The following PCDH10 variants were observed in gnomAD, a reference collection of about 807,000 sequenced individuals.
The protein encoded by PCDH10 is protocadherin-10.
A neutral mutation model predicts 74.4 loss-of-function variants in PCDH10; 15 were observed. The observed-to-expected ratio is 0.20, with a 90% CI of 0.13 to 0.31. The LOEUF (loss-of-function observed/expected upper bound fraction) is 0.31, where lower values mean the gene tolerates loss of function less well. Ranked by LOEUF, PCDH10 falls within the 10% of genes least tolerant of loss-of-function variation. The pLI is 1.00. For missense variants in PCDH10, 1,260 were observed against 1,390.2 expected (o/e 0.91, Z 1.49); for synonymous variants, 619 against 589.8 (o/e 1.05, Z -0.72).
At chr4:133,201,651 G>A (rs1237765187) in intron 2 of PCDH10, among the ~76,000 whole-genome samples, 1 of 152,060 alleles carries the variant, frequency 6.6e-6, no homozygotes, top group African/African-American at 2.4e-5. Flanking sequence ...GAGGTCGGAA[G>A]TTTGAGACCC....
At chr4:133,184,787 TA>T (rs1560714369) in intron 4 of PCDH10, among the ~76,000 whole-genome samples, 9 of 98,258 alleles carry the variant, frequency 9.2e-5, no homozygotes, top group Admixed American at 3.1e-4. Context: ...TATATATAAA[TA>T]TATATATTTA....
intron 4 of PCDH10, among the ~76,000 whole-genome samples, chr4:133,172,410 G>GT (rs546231883): frequency 9.5e-4 from 145 of 151,866 alleles, no homozygotes; most frequent in Admixed American, 5.5e-3. Context: ...ACAGGTAGCA[G>GT]TTTTTTTATT....
downstream of PCDH10, among the ~76,000 whole-genome samples, chr4:133,198,669 T>A (rs766659028): frequency 1.3e-5 from 2 of 152,164 alleles, no homozygotes; most frequent in African/African-American, 2.4e-5. Flanking sequence ...AGGGGAAAAT[T>A]GGTGACACCA....
chr4:133,154,844 T>C (rs1159003038), intron 2 of PCDH10, 73 bp from the exon 3 acceptor site: 1 of 1,026,796 alleles, frequency 9.7e-7, no homozygotes, highest in Non-Finnish European at 1.5e-6. Flanking sequence ...TCTGTGACCA[T>C]GTGGTGGCAG....
chr4:133,163,236 T>C lies in PCDH10; in HGVS notation c.3057T>C (p.Asp1019=), dbSNP rs750827718. The C allele has an allele frequency of 2.5e-6, 4 of 1,613,966 alleles. No homozygotes were observed. In the South Asian group the frequency reaches 4.4e-5, roughly 18 times the overall value. ...LHSTLERKEL[D]GLLTNTRAPY... ...GCACTCTGGAGAGGAAGGAGCTGGA[T>C]GGACTGCTGACTAATACGCGAGCGC... The change falls in exon 4 of 5, where the codon GAT becomes GAC. Residue 1019 remains aspartate, a synonymous_variant. Coordinates refer to ENST00000264360, the MANE Select transcript of PCDH10 (RefSeq NM_032961.3).
At chr4:133,176,021 A>G (rs1727288146) in intron 4 of PCDH10, among the ~76,000 whole-genome samples, 1 of 152,142 alleles carries the variant, frequency 6.6e-6, no homozygotes, top group Non-Finnish European at 1.5e-5. Context: ...CATGCTTGAA[A>G]CATACCCTAT....
rs975884488 is a variant in PCDH10, at chr4:133,192,497, C to T, written c.*2337C>T. On this transcript the variant is annotated 3_prime_UTR_variant, in exon 5 of 5. Transcript: ENST00000264360. Reference sequence around the variant, plus strand: ...ATTATATTGTCATTTACCTCAAAGACATTTTCTTTAATTATTTAACCTTTT... The same window carrying T: ...ATTATATTGTCATTTACCTCAAAGATATTTTCTTTAATTATTTAACCTTTT... 1.3e-5 allele frequency: 2 copies of T among 151,550 alleles called. No individual in the cohort carries two copies. The highest frequency in any genetic ancestry group is 3.0e-5 in the Non-Finnish European group (2 of 67,610). The allele number at this position is 151,550 out of a possible 1,614,324, so 9.4% of individuals were successfully genotyped here.
intron 4 of PCDH10, among the ~76,000 whole-genome samples, chr4:133,174,158 T>G (rs1727248585): frequency 6.6e-6 from 1 of 151,878 alleles, no homozygotes; most frequent in African/African-American, 2.4e-5. Flanking sequence ...AGCTGACAAT[T>G]AAATAAAAAT....
chr4:133,166,407 AT>A (rs1434550749), intron 4 of PCDH10, among the ~76,000 whole-genome samples: 1 of 151,560 alleles, frequency 6.6e-6, no homozygotes, highest in Non-Finnish European at 1.5e-5. Flanking sequence ...TTAAAATAAC[AT>A]TGCATTTTTA....
At chr4:133,171,300 C>T (rs929688643) in intron 4 of PCDH10, among the ~76,000 whole-genome samples, 2 of 152,034 alleles carry the variant, frequency 1.3e-5, no homozygotes, top group African/African-American at 4.8e-5. Context: ...TATATTTGGG[C>T]TGAAAATTAC....
At chr4:133,205,495 C>T (rs892254755) in intron 2 of PCDH10, among the ~76,000 whole-genome samples, 9 of 152,140 alleles carry the variant, frequency 5.9e-5, no homozygotes, top group African/African-American at 1.4e-4. Context: ...TGGAACTTGA[C>T]GGTCCATTTT....
intron 2 of PCDH10, among the ~76,000 whole-genome samples, chr4:133,203,214 T>C (rs1321932394): frequency 6.6e-6 from 1 of 152,078 alleles, no homozygotes; most frequent in Non-Finnish European, 1.5e-5. Flanking sequence ...GGTATAGAGA[T>C]AGTATAGACA....
rs755002799 is a variant in PCDH10 at position 133,191,960 on chromosome 4, TATATACACACAC to T, written c.*1802_*1813del. The T allele has an allele frequency of 4.9e-5, 3 of 61,412 alleles. No individual in the cohort carries two copies. Among genetic ancestry groups the T allele is most frequent in the East Asian group, 7.1e-4 (1 of 1,404 alleles). 3.8% of individuals were successfully genotyped at this position (61,412 alleles called of 1,614,324 possible). A position where few individuals can be genotyped will look rare whatever the true frequency, so the allele number is the denominator to read the frequency against. On this transcript the variant is annotated 3_prime_UTR_variant, in exon 5 of 5. Coordinates refer to ENST00000264360, the MANE Select transcript of PCDH10 (RefSeq NM_032961.3). The stretch of plus-strand genomic sequence containing the variant: ...CCTAGATTTAACTTTAAAATACATA[TATATACACACAC>T]ACACACACACACACACACACACACT...
Position 133,152,537 on chromosome 4 carries a change from G to A in PCDH10, c.2397G>A (p.Pro799=), listed in dbSNP as rs561555933. ...AGAGCTCCAATGTACCCAGTAACCCGGCCCAGGTGCCGATAGAGGAGTCCG... is the reference window on the plus strand; with the variant it reads ...AGAGCTCCAATGTACCCAGTAACCCAGCCCAGGTGCCGATAGAGGAGTCCG... The part of the protein sequence containing the change: ...LVQSSNVPSN[P]AQVPIEESGG... Residue 799 remains proline (P), a synonymous_variant, in exon 1 of 5, where the codon CCG becomes CCA. Transcript: ENST00000264360. 7 of 1,614,104 alleles carry A rather than the reference G, an allele frequency of 4.3e-6. No homozygotes were observed. The South Asian group carries it at 7.7e-5, about 18-fold the overall frequency.
chr4:133,195,216 GTTC>G (rs1727771091), downstream of PCDH10, among the ~76,000 whole-genome samples: 1 of 152,014 alleles, frequency 6.6e-6, no homozygotes, highest in African/African-American at 2.4e-5. Context: ...TAGAAGAAAC[GTTC>G]TTCTTAATCT....
intron 4 of PCDH10, among the ~76,000 whole-genome samples, chr4:133,172,486 C>A (rs559028619): frequency 6.6e-6 from 1 of 151,746 alleles, no homozygotes; most frequent in Admixed American, 6.6e-5. Context: ...ATGTATAACT[C>A]AAGAAATGTT....
At position 133,150,171 on chromosome 4, in the gene PCDH10, T is replaced by C. The variant is rs976266456; in HGVS notation, c.31T>C (p.Trp11Arg). 1.0e-5 allele frequency: 16 copies of C among 1,586,388 alleles called. No homozygotes were observed. The highest frequency in any genetic ancestry group is 1.4e-5 in the Non-Finnish European group (16 of 1,167,552). The change falls in exon 1 of 5, where the codon TGG becomes CGG. Residue 11 changes from tryptophan to arginine, a missense_variant. Around this residue, in one of 11 missense-constraint regions of PCDH10, gnomAD observed 103 missense variants for 91.5 expected, o/e 1.13. Coordinates refer to ENST00000264360, the MANE Select transcript of PCDH10 (RefSeq NM_032961.3). The stretch of plus-strand genomic sequence containing the variant: ...TGTGCTATTATTGTTTGCCTTGCTC[T>C]GGATGGTGGAAGGAGTCTTTTCCCA... MIVLLLFALL[W>R]MVEGVFSQLH...
intron 2 of PCDH10, among the ~76,000 whole-genome samples, chr4:133,204,399 C>A (rs934049523): frequency 1.6e-4 from 24 of 152,056 alleles, no homozygotes; most frequent in Non-Finnish European, 2.9e-4. Flanking sequence ...TCTAGCTTAC[C>A]CTTGATAGGT....
At chr4:133,161,623 A>T (rs1726972687) in intron 3 of PCDH10, among the ~76,000 whole-genome samples, 1 of 152,030 alleles carries the variant, frequency 6.6e-6, no homozygotes. Context: ...CTTTTGATTT[A>T]AAAAATGTTT....
Sources: gnomAD v4.1 joint callset for allele counts (sites outside exome capture counted in the v4.1 genomes callset) on GRCh38, gnomAD v4.1.1 for gene constraint, gnomAD v4.1.1 regional missense constraint, MANE v1.5 for transcripts, NCBI Gene and HGNC (gene_info 2026-07-23, HGNC 2026-07-21) for gene names.